Variants in PPP1R12B observed in about 807,000 individuals in gnomAD.
The protein encoded by PPP1R12B is myosin phosphatase target subunit 2.
PPP1R12B carries 76 observed loss-of-function variants against 126.1 expected under a neutral mutation model. The observed-to-expected ratio is 0.60, with a 90% confidence interval of 0.50 to 0.73. PPP1R12B has a LOEUF of 0.73. PPP1R12B is among the 30% of genes least tolerant of loss of function. The probability of loss-of-function intolerance (pLI) is 0.00; values close to 1 mark genes in which losing one functional copy is unlikely to be tolerated. For synonymous variants in PPP1R12B, 356 were observed against 434.7 expected (o/e 0.82, Z 2.25); for missense variants, 1,052 against 1,205.1 (o/e 0.87, Z 1.88).
chr1:202,440,708 G>A lies in PPP1R12B; in HGVS notation c.1461G>A (p.Glu487=). 6.2e-7 allele frequency: 1 copy of A among 1,610,922 alleles called. No homozygotes were observed. Among genetic ancestry groups the A allele is most frequent in the Non-Finnish European group, 8.5e-7 (1 of 1,177,254 alleles). The change falls in exon 11 of 24, where the codon GAG becomes GAA. Residue 487 remains glutamate (E), a splice_region_variant and synonymous_variant. Coordinates refer to ENST00000608999, the MANE Select transcript of PPP1R12B (RefSeq NM_002481.4). Reference sequence around the variant, plus strand: ...CTTTACTTGTTTTTATTTTACAGGAGAGAGAAAACAAAAGCTATATTAGTT... The same window carrying A: ...CTTTACTTGTTTTTATTTTACAGGAAAGAGAAAACAAAAGCTATATTAGTT... The part of the protein sequence containing the change: ...ISALLDNKDK[E]RENKSYISSL...
intron 13 of PPP1R12B, among the ~76,000 whole-genome samples, chr1:202,477,633 A>C (rs2148811169): frequency 6.6e-6 from 1 of 152,226 alleles, no homozygotes; most frequent in East Asian, 1.9e-4. Context: ...GCAGTGGTGC[A>C]ATCATGGCTC....
Position 202,545,432 on chromosome 1 carries a change from G to A in PPP1R12B, c.2491-13445G>A, listed in dbSNP as rs571248283. ...GTTGACCAGAGAGACTGGGAGCTTCGAAGACATCAGCTCCCTTTCCTGCAA... is the reference window on the plus strand; with the variant it reads ...GTTGACCAGAGAGACTGGGAGCTTCAAAGACATCAGCTCCCTTTCCTGCAA... On this transcript the variant is annotated intron_variant, in intron 18 of 23. Transcript: ENST00000608999. 3.9e-4 allele frequency among the ~76,000 whole-genome samples: 59 copies of A among 152,296 alleles called. 2 individuals are homozygous for A. In the South Asian group the frequency reaches 0.012, roughly 30 times the overall value.
chr1:202,407,798 C>T (rs1185250690), intron 1 of PPP1R12B, among the ~76,000 whole-genome samples: 1 of 152,078 alleles, frequency 6.6e-6, no homozygotes, highest in East Asian at 1.9e-4. Flanking sequence ...TTACTGAGTC[C>T]TTTATCACCT....
At chr1:202,499,923 G>C (rs1680013409) in intron 18 of PPP1R12B, among the ~76,000 whole-genome samples, 2 of 152,192 alleles carry the variant, frequency 1.3e-5, no homozygotes, top group Admixed American at 1.3e-4. Flanking sequence ...CAATGAAATA[G>C]ATCATCTGAC....
At chr1:202,439,080 C>A in intron 10 of PPP1R12B, 2 of 1,434,592 alleles carry the variant, frequency 1.4e-6, no homozygotes, top group East Asian at 4.5e-5. Context: ...GCCATCAAGA[C>A]CATCACCTCC....
rs1383126283 is a variant in PPP1R12B, at chr1:202,499,333, C to T, written c.2490+2511C>T. ...GCAGTGATGTAGTCATGGCTCACTGCGGCCTCAACCTCCCAGGCTCAAGTG... is the reference window on the plus strand; with the variant it reads ...GCAGTGATGTAGTCATGGCTCACTGTGGCCTCAACCTCCCAGGCTCAAGTG... On this transcript the variant is annotated intron_variant, in intron 18 of 23. Coordinates refer to ENST00000608999, the MANE Select transcript of PPP1R12B (RefSeq NM_002481.4). Among the ~76,000 whole-genome samples the T allele has an allele frequency of 5.9e-5, 9 of 152,172 alleles. No homozygotes were observed. In the East Asian group the frequency reaches 1.3e-3, roughly 23 times the overall value.
intron 18 of PPP1R12B, among the ~76,000 whole-genome samples, chr1:202,517,306 T>A (rs1345014252): frequency 1.3e-5 from 2 of 152,246 alleles, no homozygotes; most frequent in African/African-American, 4.8e-5. Context: ...CAGATAAATA[T>A]GAAGAAAGAA....
intron 1 of PPP1R12B, among the ~76,000 whole-genome samples, chr1:202,391,610 A>G (rs887949198): frequency 5.4e-5 from 8 of 148,232 alleles, no homozygotes; most frequent in African/African-American, 1.2e-4. Flanking sequence ...CTGAAGATAA[A>G]TGAATTATCT....
chr1:202,524,335 T>G (rs1301667208), intron 18 of PPP1R12B, among the ~76,000 whole-genome samples: 1 of 152,268 alleles, frequency 6.6e-6, no homozygotes, highest in Non-Finnish European at 1.5e-5. Flanking sequence ...ATGAAGCAGG[T>G]TGGGGAAGAA....
chr1:202,350,691 G>T (rs1655790780), intron 1 of PPP1R12B, among the ~76,000 whole-genome samples: 1 of 151,572 alleles, frequency 6.6e-6, no homozygotes. Flanking sequence ...CGAGATCTTG[G>T]CTCACTGCAA....
chr1:202,564,592 G>A (rs762394657), intron 21 of PPP1R12B, 45 bp downstream of exon 21: 4 of 1,496,356 alleles, frequency 2.7e-6, no homozygotes, highest in Admixed American at 1.7e-5. Flanking sequence ...AAGGGTTGAT[G>A]TAAGGAAGCA....
intron 18 of PPP1R12B, among the ~76,000 whole-genome samples, chr1:202,533,289 ATTTTGTTTTGTTTTG>A (rs58502239): frequency 5.0e-4 from 75 of 148,910 alleles, no homozygotes; most frequent in South Asian, 2.4e-3. Context: ...TTTTGGGGGT[ATTTTGTTTTGTTTTG>A]TTTTGTTTTG....
intron 18 of PPP1R12B, among the ~76,000 whole-genome samples, chr1:202,544,361 A>G (rs1169918991): frequency 6.6e-6 from 1 of 152,164 alleles, no homozygotes; most frequent in Admixed American, 6.5e-5. Flanking sequence ...CTCAATTTAG[A>G]TGGTTTAGCA....
Position 202,590,962 on chromosome 1 carries a change from A to C in PPP1R12B, c.*10402A>C, listed in dbSNP as rs1265358837. 1 of 152,242 alleles carries C rather than the reference A, an allele frequency of 6.6e-6. No homozygotes were observed. 9.4% of individuals were successfully genotyped at this position (152,242 alleles called of 1,614,324 possible). On this transcript the variant is annotated 3_prime_UTR_variant, in exon 24 of 24. Coordinates refer to ENST00000608999, the MANE Select transcript of PPP1R12B (RefSeq NM_002481.4). ...CTGATCGCTAAGGCAGGTGGGATGG[A>C]GGAACTCCTGGTGCCCCATGCACAC...
At chr1:202,356,214 A>G (rs1657070443) in intron 1 of PPP1R12B, among the ~76,000 whole-genome samples, 1 of 152,138 alleles carries the variant, frequency 6.6e-6, no homozygotes, top group African/African-American at 2.4e-5. Context: ...GTAAGTAAAT[A>G]TCCTGTAGGT....
chr1:202,395,898 G>A (rs185845574), intron 1 of PPP1R12B, among the ~76,000 whole-genome samples: 2 of 152,180 alleles, frequency 1.3e-5, no homozygotes, highest in African/African-American at 4.8e-5. Flanking sequence ...AATAGTATAC[G>A]TTTTTATCAC....
At chr1:202,465,736 A>G (rs1301836035) in intron 13 of PPP1R12B, among the ~76,000 whole-genome samples, 1 of 152,228 alleles carries the variant, frequency 6.6e-6, no homozygotes, top group Non-Finnish European at 1.5e-5. Flanking sequence ...AGTCTCTTAA[A>G]TAATACTGGA....
intron 1 of PPP1R12B, among the ~76,000 whole-genome samples, chr1:202,385,989 A>G (rs1377527737): frequency 6.6e-6 from 1 of 151,040 alleles, no homozygotes; most frequent in African/African-American, 2.4e-5. Context: ...GCTGGAGTGC[A>G]GTGGCACGAT....
rs1655414410 is a variant in PPP1R12B at position 202,348,984 on chromosome 1, CCGCTGACCAGGCGCG to C, written c.134_148del (p.Pro45_Gly50delinsArg). ...GGAGCGACGAGGCGCGGGGCGGCAG[CCGCTGACCAGGCGCG>C]GGAGCCCCAGGGTCCGCTTCGAGGA... is the stretch of plus-strand genomic sequence containing the variant. On this transcript the variant is annotated inframe_deletion, in exon 1 of 24. Transcript: ENST00000608999. 1 of 1,604,694 alleles carries C rather than the reference CCGCTGACCAGGCGCG, an allele frequency of 6.2e-7. No homozygotes were observed. The highest frequency in any genetic ancestry group is 8.5e-7 in the Non-Finnish European group (1 of 1,176,362).
Sources: allele counts gnomAD v4.1 joint callset (sites outside exome capture counted in the v4.1 genomes callset), GRCh38; gene constraint gnomAD v4.1.1; transcripts MANE v1.5; gene names NCBI Gene and HGNC (gene_info 2026-07-23, HGNC 2026-07-21).